Variants in SDK1 observed in about 807,000 individuals in gnomAD.
SDK1 encodes the protein sidekick cell adhesion molecule 1, also known as protein sidekick-1.
A neutral mutation model predicts 245.5 loss-of-function variants in SDK1; 157 were observed. The observed-to-expected ratio is 0.64, with a 90% CI of 0.56 to 0.73. The LOEUF (loss-of-function observed/expected upper bound fraction) is 0.73, where lower values mean the gene tolerates loss of function less well. Among genes scored for constraint, SDK1 ranks in the 30% least tolerant of loss-of-function variants. The pLI is 0.00. For synonymous variants in SDK1, 1,647 were observed against 1,278.5 expected (o/e 1.29, Z -6.15); for missense variants, 3,583 against 3,002.3 (o/e 1.19, Z -4.52).
At chr7:3,778,586 T>C (rs1258688389) in intron 4 of SDK1, among the ~76,000 whole-genome samples, 8 of 152,258 alleles carry the variant, frequency 5.3e-5, no homozygotes, top group Non-Finnish European at 1.0e-4. Flanking sequence ...AGCATAAGTG[T>C]ATGTTTTGTA....
chr7:3,739,249 T>C (rs575793197), intron 4 of SDK1, among the ~76,000 whole-genome samples: 55 of 152,234 alleles, frequency 3.6e-4, no homozygotes, highest in Non-Finnish European at 7.1e-4. Context: ...ACAGCTTTAC[T>C]TTTATGTAGC....
At chr7:4,171,382 C>T (rs1584359047) in intron 32 of SDK1, among the ~76,000 whole-genome samples, 2 of 152,226 alleles carry the variant, frequency 1.3e-5, no homozygotes, top group Admixed American at 6.5e-5. Context: ...GGGGAGGGAG[C>T]GGGTATCCAG....
At chr7:3,917,968 ACTT>A (rs1779443775) in intron 5 of SDK1, among the ~76,000 whole-genome samples, 1 of 152,140 alleles carries the variant, frequency 6.6e-6, no homozygotes, top group South Asian at 2.1e-4. Context: ...CCTCTGTTGT[ACTT>A]CTAGTTTTCT....
chr7:3,479,048 T>A (rs987762070), intron 1 of SDK1, among the ~76,000 whole-genome samples: 47 of 152,166 alleles, frequency 3.1e-4, no homozygotes, highest in African/African-American at 9.7e-4. Context: ...AAACTGATTG[T>A]TTAGAACTTG....
intron 1 of SDK1, among the ~76,000 whole-genome samples, chr7:3,606,540 C>T (rs1781431782): frequency 6.6e-6 from 1 of 152,204 alleles, no homozygotes; most frequent in South Asian, 2.1e-4. Context: ...ACTCACTGCA[C>T]TTCATCCACC....
At chr7:3,963,756 A>G (rs1277797150) in intron 9 of SDK1, among the ~76,000 whole-genome samples, 2 of 151,772 alleles carry the variant, frequency 1.3e-5, no homozygotes, top group Admixed American at 6.6e-5. Flanking sequence ...GGCTATCTGG[A>G]TGTAACCAGT....
rs559725170 is a variant in SDK1, at chr7:4,170,825, G to T, written c.4801-3397G>T. Among the ~76,000 whole-genome samples, 34 of 152,280 alleles carry T rather than the reference G, an allele frequency of 2.2e-4. No homozygotes were observed. In the East Asian group the frequency reaches 6.6e-3, roughly 29 times the overall value. On this transcript the variant is annotated intron_variant, in intron 32 of 44. Coordinates refer to ENST00000404826, the MANE Select transcript of SDK1 (RefSeq NM_152744.4). ...GGTGCAGAGCAGGACTGGCGGCCCG[G>T]CATGGGGGAGCTGGAGAAAGAGCAA...
intron 5 of SDK1, among the ~76,000 whole-genome samples, chr7:3,844,710 C>T (rs1473189935): frequency 1.3e-5 from 2 of 152,196 alleles, no homozygotes; most frequent in Admixed American, 6.5e-5. Context: ...CAGCAGCTCT[C>T]CAGCCCGAGT....
At chr7:3,583,842 G>T (rs532614660) in intron 1 of SDK1, among the ~76,000 whole-genome samples, 1 of 152,082 alleles carries the variant, frequency 6.6e-6, no homozygotes, top group South Asian at 2.1e-4. Flanking sequence ...AAGGTGGCAG[G>T]CATTTCAAGT....
chr7:3,445,415 T>G (rs1317883006), intron 1 of SDK1, among the ~76,000 whole-genome samples: 1 of 152,186 alleles, frequency 6.6e-6, no homozygotes, highest in Non-Finnish European at 1.5e-5. Context: ...GTGCTGTCTC[T>G]CCCCTAAAAA....
intron 2 of SDK1, among the ~76,000 whole-genome samples, chr7:3,628,836 G>A (rs549838598): frequency 3.3e-5 from 5 of 152,268 alleles, no homozygotes; most frequent in African/African-American, 1.2e-4. Context: ...CAAACAAGGT[G>A]AGCCCTATGT....
intron 4 of SDK1, among the ~76,000 whole-genome samples, chr7:3,808,336 G>A (rs903140603): frequency 2.6e-5 from 4 of 152,078 alleles, no homozygotes; most frequent in African/African-American, 4.8e-5. Context: ...ATGGAGGGTC[G>A]GTCCCTAGGG....
chr7:4,233,169 G>C, intron 40 of SDK1, 86 bp from the exon 41 acceptor site: 6 of 1,355,702 alleles, frequency 4.4e-6, no homozygotes, highest in Non-Finnish European at 6.1e-6. Context: ...GCTGCTGCAA[G>C]CCGACCCACC....
chr7:4,137,129 T>TTA (rs1268826666), intron 28 of SDK1, among the ~76,000 whole-genome samples: 1 of 152,130 alleles, frequency 6.6e-6, no homozygotes, highest in Non-Finnish European at 1.5e-5. Flanking sequence ...AGTGCACAAT[T>TTA]TATTAAAGGT....
chr7:3,373,846 TCAA>T (rs2128564196), intron 1 of SDK1, among the ~76,000 whole-genome samples: 1 of 152,242 alleles, frequency 6.6e-6, no homozygotes, highest in East Asian at 1.9e-4. Context: ...CCATTTATAA[TCAA>T]CAACAAAGAA....
At chr7:3,872,337 T>C (rs1432918939) in intron 5 of SDK1, among the ~76,000 whole-genome samples, 3 of 152,148 alleles carry the variant, frequency 2.0e-5, no homozygotes, top group Non-Finnish European at 4.4e-5. Flanking sequence ...CCCTTCTCTT[T>C]TATTTTCTGT....
rs1049362990 is a variant in SDK1, at chr7:4,132,857, T to C, written c.4228+434T>C. On this transcript the variant is annotated intron_variant, in intron 28 of 44. Coordinates refer to ENST00000404826, the MANE Select transcript of SDK1 (RefSeq NM_152744.4). The stretch of plus-strand genomic sequence containing the variant: ...CTGTCTCCAGCAGCCTAGCATTTCC[T>C]GAACCGAGATGATCATGGGCCTCTT... Among the ~76,000 whole-genome samples, 20 of 152,242 alleles carry C rather than the reference T, an allele frequency of 1.3e-4. 1 individual carries two copies. The highest frequency in any genetic ancestry group is 1.3e-3 in the Admixed American group (20 of 15,288).
intron 26 of SDK1, among the ~76,000 whole-genome samples, chr7:4,127,822 T>TGTGTCTC: frequency 6.6e-6 from 1 of 152,360 alleles, no homozygotes; most frequent in Non-Finnish European, 1.5e-5. Flanking sequence ...GCCCTGTGCT[T>TGTGTCTC]GTGTCTCCCC....
intron 17 of SDK1, among the ~76,000 whole-genome samples, chr7:4,034,617 TAGC>T (rs1215336387): frequency 6.6e-6 from 1 of 152,232 alleles, no homozygotes; most frequent in Non-Finnish European, 1.5e-5. Flanking sequence ...CAGGACAAGT[TAGC>T]AGTAACTAAT....
Sources: allele counts gnomAD v4.1 joint callset (sites outside exome capture counted in the v4.1 genomes callset), GRCh38; gene constraint gnomAD v4.1.1; transcripts MANE v1.5; gene names NCBI Gene and HGNC (gene_info 2026-07-23, HGNC 2026-07-21).